Variants in NEK10 observed in about 807,000 individuals in gnomAD.
NEK10 encodes NIMA related kinase 10, also known as serine/threonine-protein kinase Nek10.
NEK10 carries 122 observed loss-of-function variants against 159.8 expected under a neutral mutation model. That is an observed-to-expected ratio of 0.76 (90% CI 0.66 to 0.89). The LOEUF (loss-of-function observed/expected upper bound fraction) is 0.89. Ranked by LOEUF, NEK10 falls within the 40% of genes least tolerant of loss-of-function variation. The pLI, the probability that NEK10 is intolerant of heterozygous loss-of-function variation, is 0.00. For synonymous variants in NEK10, 466 were observed against 457.1 expected, an observed-to-expected ratio of 1.02 and a Z score of -0.25; for missense variants, 1,342 against 1,323.1, an observed-to-expected ratio of 1.01 and a Z score of -0.22.
In NEK10 at chr3:27,149,826, G is replaced by C. The variant is rs189471464; in HGVS notation, c.2870-8244C>G. On this transcript the variant is annotated intron_variant, in intron 30 of 35. Transcript: ENST00000691995. ...GAAATGATAAAGCTTAGTGAGGAAG[G>C]CATGTCAAAAGCCAAGATACCAGAA... Among the ~76,000 whole-genome samples the C allele has an allele frequency of 7.2e-5, 11 of 152,318 alleles. No homozygotes were observed. In the East Asian group the frequency reaches 1.7e-3, roughly 24 times the overall value.
intron 6 of NEK10, among the ~76,000 whole-genome samples, chr3:27,318,786 C>G (rs930579697): frequency 6.6e-6 from 1 of 152,164 alleles, no homozygotes; most frequent in Non-Finnish European, 1.5e-5. Context: ...AGGTGGTTGT[C>G]TAACATGTCT....
intron 13 of NEK10, among the ~76,000 whole-genome samples, chr3:27,299,351 A>G (rs1222284474): frequency 7.2e-5 from 11 of 152,208 alleles, no homozygotes; most frequent in Admixed American, 6.5e-4. Flanking sequence ...CTGCTTGTAC[A>G]CAAAAGTCAA....
At chr3:27,366,807 A>ATTTTTTTTTTTTTTTTTTTTTTTTTTTTT (rs3060370) in intron 1 of NEK10, among the ~76,000 whole-genome samples, 1 of 109,534 alleles carries the variant, frequency 9.1e-6, no homozygotes. Flanking sequence ...CAGTGTGTTC[A>ATTTTTTTTTTTTTTTTTTTTTTTTTTTTT]TTTTTTTTTT....
At chr3:27,364,971 T>C (rs2048955154) in intron 1 of NEK10, among the ~76,000 whole-genome samples, 1 of 152,210 alleles carries the variant, frequency 6.6e-6, no homozygotes, top group South Asian at 2.1e-4. Context: ...CCAGTGAGGT[T>C]CATTCATTTG....
At chr3:27,149,790 A>G (rs151338005) in intron 30 of NEK10, among the ~76,000 whole-genome samples, 71 of 152,318 alleles carry the variant, frequency 4.7e-4, no homozygotes, top group African/African-American at 1.3e-3. Flanking sequence ...CTTACTTTCA[A>G]TCAAAAGGCA....
rs577129906 is a variant in NEK10, at chr3:27,155,289, G to A, written c.2869+7412C>T. ...GAGGCCAAGGTGGGCAGATCACGAG[G>A]TCAAGAGATCGAGACCATCCTGGCC... On this transcript the variant is annotated intron_variant, in intron 30 of 35. Transcript: ENST00000691995. Among the ~76,000 whole-genome samples the A allele has an allele frequency of 3.2e-3, 481 of 152,094 alleles. 3 individuals carry two copies. Among genetic ancestry groups the A allele is most frequent in the South Asian group, 0.024 (116 of 4,820 alleles).
At chr3:27,128,994 T>C (rs1471902396) in intron 32 of NEK10, among the ~76,000 whole-genome samples, 4 of 152,180 alleles carry the variant, frequency 2.6e-5, no homozygotes, top group Non-Finnish European at 4.4e-5. Context: ...AGATTTATCA[T>C]GAACTCATAT....
intron 30 of NEK10, chr3:27,143,298 T>C: frequency 2.1e-6 from 1 of 480,192 alleles, no homozygotes; most frequent in Non-Finnish European, 3.7e-6. Flanking sequence ...TTAAAATCAT[T>C]TTTATACTAT....
chr3:27,181,033 C>T (rs1291385075), intron 26 of NEK10, among the ~76,000 whole-genome samples: 2 of 152,084 alleles, frequency 1.3e-5, no homozygotes, highest in African/African-American at 4.8e-5. Context: ...AGGCTCACTC[C>T]TACCTCAGGA....
At chr3:27,263,603 G>A (rs944601062) in intron 22 of NEK10, among the ~76,000 whole-genome samples, 3 of 152,188 alleles carry the variant, frequency 2.0e-5, no homozygotes, top group Admixed American at 2.0e-4. Context: ...CGTGGGTATA[G>A]GACCCTCCGA....
In NEK10 at chr3:27,291,300, C is replaced by A. The variant is rs773309686; in HGVS notation, c.1567G>T (p.Asp523Tyr). 6.8e-6 allele frequency: 11 copies of A among 1,613,556 alleles called. No homozygotes were observed. In the South Asian group the frequency reaches 1.2e-4, roughly 18 times the overall value. The change falls in exon 18 of 36, where the codon GAT (aspartate) becomes TAT (tyrosine). Residue 523 changes from aspartate to tyrosine, a missense_variant. Asp to Tyr is a radical substitution (Grantham distance 160, BLOSUM62 -3). Transcript: ENST00000691995. ...LKYIGNYAIL[D>Y]HLGSGAFGCV... is the part of the protein sequence containing the mutation. Reference sequence around the variant, plus strand: ...CCAAAAGCTCCACTTCCAAGATGATCCAAAATTGCATAGTTGCCTATATAT... The same window carrying A: ...CCAAAAGCTCCACTTCCAAGATGATACAAAATTGCATAGTTGCCTATATAT...
At chr3:27,271,739 T>C (rs896634440) in intron 22 of NEK10, among the ~76,000 whole-genome samples, 4 of 152,174 alleles carry the variant, frequency 2.6e-5, no homozygotes, top group Admixed American at 6.5e-5. Context: ...TTTGTGATCA[T>C]ATTTGGAGAA....
At chr3:27,282,843 TA>T (rs2042308259) in intron 22 of NEK10, among the ~76,000 whole-genome samples, 1 of 150,788 alleles carries the variant, frequency 6.6e-6, no homozygotes, top group African/African-American at 2.4e-5. Flanking sequence ...AAATAAATTA[TA>T]AAAAATTTTC....
chr3:27,290,811 G>T (rs674798), intron 18 of NEK10, 57 bp from the exon 19 acceptor site: 400,722 of 1,354,880 alleles, frequency 0.3, 68,950 homozygotes, highest in African/African-American at 0.76. Flanking sequence ...AAGGAGAAGA[G>T]AGAAAGAGGA....
intron 35 of NEK10, among the ~76,000 whole-genome samples, chr3:27,114,125 A>G (rs547874199): frequency 1.3e-4 from 20 of 152,324 alleles, no homozygotes; most frequent in African/African-American, 4.6e-4. Flanking sequence ...GAGGCTGGCC[A>G]AGCCTTTATG....
At chr3:27,254,630 G>A (rs113050037) in intron 23 of NEK10, among the ~76,000 whole-genome samples, 3,748 of 91,534 alleles carry the variant, frequency 0.041, 159 homozygotes, top group African/African-American at 0.11. Context: ...TAATAACTCG[G>A]AGAGATGAGA....
chr3:27,257,062 C>T (rs1359410326), intron 22 of NEK10, among the ~76,000 whole-genome samples: 4 of 151,896 alleles, frequency 2.6e-5, no homozygotes, highest in East Asian at 3.9e-4. Flanking sequence ...ATTACAGGCA[C>T]GTGCCACCAT....
chr3:27,196,862 A>G (rs1949604691), intron 25 of NEK10, among the ~76,000 whole-genome samples: 1 of 152,232 alleles, frequency 6.6e-6, no homozygotes, highest in African/African-American at 2.4e-5. Context: ...AACAGACAAC[A>G]GGAACAAATC....
chr3:27,365,597 G>GTTTTTTTTTTTTTGTT (rs71091128), intron 1 of NEK10, among the ~76,000 whole-genome samples: 1 of 90,956 alleles, frequency 1.1e-5, no homozygotes, highest in African/African-American at 4.1e-5. Context: ...GGTTTTTTGT[G>GTTTTTTTTTTTTTGTT]TTTTTTTTTT....
Sources: allele counts gnomAD v4.1 joint callset (sites outside exome capture counted in the v4.1 genomes callset), GRCh38; gene constraint gnomAD v4.1.1; transcripts MANE v1.5; gene names NCBI Gene and HGNC (gene_info 2026-07-23, HGNC 2026-07-21).